Variants in ZNF331 observed in about 807,000 individuals in gnomAD.
ZNF331 encodes zinc finger protein 331.
Under a neutral mutation model 7.0 loss-of-function variants are expected in ZNF331, and 2 were observed. The observed-to-expected ratio is 0.29, with a 90% CI of 0.12 to 0.90. ZNF331 has a LOEUF of 0.90. Ranked by LOEUF, ZNF331 falls within the 40% of genes least tolerant of loss-of-function variation. The probability of loss-of-function intolerance (pLI) is 0.58; values close to 1 mark genes in which losing one functional copy is unlikely to be tolerated. For synonymous variants in ZNF331, 196 were observed against 205.4 expected (o/e 0.95, Z 0.39); for missense variants, 432 against 587.7 (o/e 0.74, Z 2.74).
At chr19:53,528,055 G>A (rs1201650697) in intron 2 of ZNF331, among the ~76,000 whole-genome samples, 1 of 152,098 alleles carries the variant, frequency 6.6e-6, no homozygotes, top group African/African-American at 2.4e-5. Flanking sequence ...ATAATTACAC[G>A]AATCTCCCAT....
chr19:53,506,440 C>CTG, the ZNF331 span, among the ~76,000 whole-genome samples: 20 of 66,456 alleles, frequency 3.0e-4, no homozygotes, highest in African/African-American at 9.4e-4. Flanking sequence ...CTCTCTCTCT[C>CTG]TCTGTCTCTC....
intron 3 of ZNF331, 31 bp from the exon 4 acceptor site, chr19:53,569,273 C>A: frequency 7.4e-7 from 1 of 1,355,832 alleles, no homozygotes; most frequent in Non-Finnish European, 1.0e-6. Flanking sequence ...CCAGATGCAC[C>A]TCGTTTTAAT....
the ZNF331 span, among the ~76,000 whole-genome samples, chr19:53,507,612 G>A: frequency 1.3e-5 from 2 of 152,180 alleles, no homozygotes; most frequent in African/African-American, 4.8e-5. Flanking sequence ...ATGGGTCAGG[G>A]AAGTAGATTC....
At chr19:53,527,881 T>A (rs889180610) in intron 2 of ZNF331, among the ~76,000 whole-genome samples, 2 of 151,166 alleles carry the variant, frequency 1.3e-5, no homozygotes, top group Non-Finnish European at 3.0e-5. Flanking sequence ...CAGAATTAGA[T>A]TTTCTATGAT....
At chr19:53,559,855 C>T (rs1206278620) in intron 3 of ZNF331, among the ~76,000 whole-genome samples, 1 of 151,170 alleles carries the variant, frequency 6.6e-6, no homozygotes, top group Non-Finnish European at 1.5e-5. Flanking sequence ...TACACATATA[C>T]ATACCATACA....
chr19:53,504,022 GTCCAGCACATTCATAGGACCAGCGTC>G, the ZNF331 span: 4 of 493,984 alleles, frequency 8.1e-6, no homozygotes, highest in South Asian at 3.6e-5. Flanking sequence ...CAAGCGGCGG[GTCCAGCACATTCATAGGACCAGCGTC>G]TCCCCCACAT....
At chr19:53,553,904 G>A (rs1029731351) in intron 2 of ZNF331, among the ~76,000 whole-genome samples, 1 of 152,198 alleles carries the variant, frequency 6.6e-6, no homozygotes, top group African/African-American at 2.4e-5. Flanking sequence ...GCCGGGAACG[G>A]GCGTCTGCAG....
intron 2 of ZNF331, among the ~76,000 whole-genome samples, chr19:53,543,276 T>G (rs2088309812): frequency 6.6e-6 from 1 of 152,160 alleles, no homozygotes; most frequent in Non-Finnish European, 1.5e-5. Context: ...AATTTTTTTA[T>G]TTTTTTGAGA....
chr19:53,565,597 G>T (rs1273575083), intron 3 of ZNF331, among the ~76,000 whole-genome samples: 1 of 152,028 alleles, frequency 6.6e-6, no homozygotes, highest in Admixed American at 6.6e-5. Context: ...CACGATCTGG[G>T]CTCACTGGAA....
the ZNF331 span, among the ~76,000 whole-genome samples, chr19:53,511,620 A>C: frequency 6.6e-6 from 1 of 152,320 alleles, no homozygotes; most frequent in Non-Finnish European, 1.5e-5. Flanking sequence ...TCAAGCGTAA[A>C]AAGATAACCT....
chr19:53,570,896 G>A (rs1293477896), intron 4 of ZNF331, among the ~76,000 whole-genome samples: 4 of 140,990 alleles, frequency 2.8e-5, no homozygotes, highest in Admixed American at 7.4e-5. Flanking sequence ...TCGCTCTGTC[G>A]CCCAGGCTGG....
chr19:53,574,525 C>T (rs1307962020), intron 5 of ZNF331, among the ~76,000 whole-genome samples: 1 of 124,104 alleles, frequency 8.1e-6, no homozygotes, highest in Non-Finnish European at 1.7e-5. Context: ...TGCTGCTGGT[C>T]TGTGGGCCAC....
At chr19:53,529,795 G>A (rs1309627322) in intron 2 of ZNF331, among the ~76,000 whole-genome samples, 2 of 152,190 alleles carry the variant, frequency 1.3e-5, no homozygotes, top group Non-Finnish European at 2.9e-5. Flanking sequence ...CTACCTGTAT[G>A]TTGTCTATAA....
intron 2 of ZNF331, among the ~76,000 whole-genome samples, chr19:53,540,119 C>T (rs147255736): frequency 6.6e-5 from 10 of 152,248 alleles, no homozygotes; most frequent in Admixed American, 6.5e-4. Context: ...AGGAGCCTGG[C>T]CACATTTATT....
At chr19:53,516,335 A>C (rs1047068942), upstream of ZNF331, among the ~76,000 whole-genome samples, 1 of 151,884 alleles carries the variant, frequency 6.6e-6, no homozygotes, top group African/African-American at 2.4e-5. Flanking sequence ...CTTTAATCCC[A>C]GCTACTCAGG....
chr19:53,565,492 G>A (rs1002271406), intron 3 of ZNF331, among the ~76,000 whole-genome samples: 1 of 151,918 alleles, frequency 6.6e-6, no homozygotes, highest in African/African-American at 2.4e-5. Context: ...GAACCACTAT[G>A]TCTGGCCTTT....
intron 3 of ZNF331, among the ~76,000 whole-genome samples, chr19:53,556,432 C>A (rs930089814): frequency 2.6e-5 from 4 of 151,766 alleles, no homozygotes; most frequent in Non-Finnish European, 5.9e-5. Flanking sequence ...TTAGTTGATT[C>A]AGTCTGTGAT....
chr19:53,515,646 T>C (rs1420676162), upstream of ZNF331, among the ~76,000 whole-genome samples: 2 of 152,102 alleles, frequency 1.3e-5, no homozygotes, highest in Non-Finnish European at 2.9e-5. Flanking sequence ...TACAGGCATG[T>C]GCCACCACGC....
At chr19:53,552,666 A>T (rs1018676634) in intron 2 of ZNF331, among the ~76,000 whole-genome samples, 2 of 152,170 alleles carry the variant, frequency 1.3e-5, no homozygotes, top group Admixed American at 1.3e-4. Flanking sequence ...TAGGAGGCAG[A>T]GGTTGCAGTG....
Sources: allele counts gnomAD v4.1 joint callset (sites outside exome capture counted in the v4.1 genomes callset), GRCh38; gene constraint gnomAD v4.1.1; transcripts MANE v1.5; gene names NCBI Gene and HGNC (gene_info 2026-07-23, HGNC 2026-07-21).